HIVEP2: variants seen among roughly 807,000 people sequenced by gnomAD.
HIVEP2 encodes the protein transcription factor HIVEP2.
A neutral mutation model predicts 180.7 loss-of-function variants in HIVEP2; 14 were observed. The ratio of observed to expected loss-of-function variants is 0.08; its 90% confidence interval spans 0.05 to 0.12. HIVEP2 has a LOEUF of 0.12. Among genes scored for constraint, HIVEP2 ranks in the 10% least tolerant of loss-of-function variants. The pLI, the probability that HIVEP2 is intolerant of heterozygous loss-of-function variation, is 1.00. For missense variants in HIVEP2, 2,579 were observed against 3,008.5 expected (o/e 0.86, Z 3.34); for synonymous variants, 1,184 against 1,136.4 (o/e 1.04, Z -0.84).
Position 142,760,392 on chromosome 6 carries a change from A to C in HIVEP2, c.5896T>G (p.Ser1966Ala). 6.2e-7 allele frequency: 1 copy of C among 1,614,228 alleles called. No homozygotes were observed. Among genetic ancestry groups the C allele is most frequent in the Non-Finnish European group, 8.5e-7 (1 of 1,180,034 alleles). Residue 1966 changes from serine to alanine, a missense_variant, in exon 9 of 10, where the codon TCT becomes GCT. Physicochemically the swap from Ser to Ala is moderately conservative, Grantham distance 99. Coordinates refer to ENST00000367603, the MANE Select transcript of HIVEP2 (RefSeq NM_006734.4). ...GTAACCAAATAGCTGATCAACGAAG[A>C]ATGTCCCAGGGAACTATCTGAAGGA... ...GVPSDSSLGH[S>A]SLISYLVTLP...
chr6:142,799,105 CTG>C (rs768699784), intron 2 of HIVEP2, among the ~76,000 whole-genome samples: 10 of 152,126 alleles, frequency 6.6e-5, no homozygotes, highest in Non-Finnish European at 1.5e-4. Context: ...GTGTTTATAT[CTG>C]TAGATTTTGT....
At chr6:142,804,744 T>C (rs1776504292) in intron 2 of HIVEP2, among the ~76,000 whole-genome samples, 3 of 152,146 alleles carry the variant, frequency 2.0e-5, no homozygotes, top group Admixed American at 6.5e-5. Context: ...ATAGTCATAA[T>C]AGATGGTCTG....
intron 1 of HIVEP2, among the ~76,000 whole-genome samples, chr6:142,858,448 T>C (rs1046262426): frequency 3.9e-5 from 6 of 152,188 alleles, no homozygotes; most frequent in African/African-American, 1.4e-4. Flanking sequence ...TGTTCACTCC[T>C]ATAGCCCCAG....
At chr6:142,793,523 C>T (rs778786076) in intron 2 of HIVEP2, among the ~76,000 whole-genome samples, 3 of 152,080 alleles carry the variant, frequency 2.0e-5, no homozygotes, top group African/African-American at 7.2e-5. Context: ...AGTAAGGTGT[C>T]AATTCTAGTA....
At chr6:142,908,541 A>C (rs897623190) in intron 1 of HIVEP2, among the ~76,000 whole-genome samples, 3 of 152,174 alleles carry the variant, frequency 2.0e-5, no homozygotes, top group African/African-American at 7.2e-5. Context: ...CCCATTGCCA[A>C]AATCAGAACA....
chr6:142,874,218 C>G (rs745465254), intron 1 of HIVEP2, among the ~76,000 whole-genome samples: 4 of 152,122 alleles, frequency 2.6e-5, no homozygotes, highest in Admixed American at 6.6e-5. Flanking sequence ...TTCAACTACT[C>G]ATGAATATAT....
intron 9 of HIVEP2, among the ~76,000 whole-genome samples, chr6:142,758,844 G>A (rs1226929255): frequency 6.6e-6 from 1 of 151,992 alleles, no homozygotes; most frequent in African/African-American, 2.4e-5. Flanking sequence ...TTGGGCCCAC[G>A]CTTCCACTGA....
Position 142,771,598 on chromosome 6 carries a change from C to G in HIVEP2, c.3141G>C (p.Arg1047=). The G allele has an allele frequency of 6.2e-7, 1 of 1,614,150 alleles. No homozygotes were observed. The highest frequency in any genetic ancestry group is 1.7e-5 in the Admixed American group (1 of 60,030). Residue 1047 remains arginine (R), a synonymous_variant, in exon 5 of 10, where the codon CGG becomes CGC. Transcript: ENST00000367603. The surrounding 1 kb of genome is among the most constrained non-coding windows in gnomAD (Gnocchi z 5.4). ...GATTCCCATAATCAAATGATTTGCT[C>G]CGAACTTCTGGGACTTCCGCTGGGT... ...CPHPAEVPEV[R]SKSFDYGNLS...
In HIVEP2 at chr6:142,799,214, T is replaced by C. The variant is rs79327860; in HGVS notation, c.-527-15599A>G. ...CTTAATGTATTTCATAAACAAAACA[T>C]TACTACATAGAATATAAATGCCAAA... On this transcript the variant is annotated intron_variant, in intron 2 of 9. Coordinates refer to ENST00000367603, the MANE Select transcript of HIVEP2 (RefSeq NM_006734.4). Among the ~76,000 whole-genome samples, 728 of 152,278 alleles carry C rather than the reference T, an allele frequency of 4.8e-3. 4 individuals carry two copies. Among genetic ancestry groups the C allele is most frequent in the Non-Finnish European group, 7.6e-3 (518 of 68,010 alleles).
At chr6:142,834,096 A>G (rs1020021568) in intron 2 of HIVEP2, among the ~76,000 whole-genome samples, 1 of 152,226 alleles carries the variant, frequency 6.6e-6, no homozygotes, top group African/African-American at 2.4e-5. Flanking sequence ...TCTAATTTGC[A>G]ACCTTATCAA....
rs76537649 is a variant in HIVEP2 at position 142,820,431 on chromosome 6, C to T, written c.-528+16504G>A. Reference sequence around the variant, plus strand: ...ATATCATACTCTGAAATATCCAGATCTATTTTTGATGTCTTTCAATGGCCC... The same window carrying T: ...ATATCATACTCTGAAATATCCAGATTTATTTTTGATGTCTTTCAATGGCCC... On this transcript the variant is annotated intron_variant, in intron 2 of 9. Coordinates refer to ENST00000367603, the MANE Select transcript of HIVEP2 (RefSeq NM_006734.4). 1.6e-3 allele frequency among the ~76,000 whole-genome samples: 245 copies of T among 152,146 alleles called. 3 individuals carry two copies. The East Asian group carries it at 0.041, about 25-fold the overall frequency.
intron 2 of HIVEP2, among the ~76,000 whole-genome samples, chr6:142,835,509 T>A (rs1017920216): frequency 6.6e-6 from 1 of 152,240 alleles, no homozygotes; most frequent in African/African-American, 2.4e-5. Context: ...AGATTATTAA[T>A]TTCATCTTCT....
At chr6:142,853,699 T>C (rs769375187) in intron 1 of HIVEP2, among the ~76,000 whole-genome samples, 1 of 152,134 alleles carries the variant, frequency 6.6e-6, no homozygotes, top group Admixed American at 6.6e-5. Flanking sequence ...GGTGAAACTC[T>C]AAGAGGTAAA....
At chr6:142,905,686 T>C (rs1777243665) in intron 1 of HIVEP2, among the ~76,000 whole-genome samples, 1 of 152,234 alleles carries the variant, frequency 6.6e-6, no homozygotes, top group Non-Finnish European at 1.5e-5. Flanking sequence ...TCTATAAATC[T>C]ACATTTAATC....
chr6:142,909,938 C>G (rs1777362518), intron 1 of HIVEP2, among the ~76,000 whole-genome samples: 1 of 152,170 alleles, frequency 6.6e-6, no homozygotes, highest in Non-Finnish European at 1.5e-5. Context: ...TCTTTAAGAT[C>G]TTGCTTCTGA....
At chr6:142,938,149 T>C (rs907890955) in intron 1 of HIVEP2, among the ~76,000 whole-genome samples, 1 of 152,234 alleles carries the variant, frequency 6.6e-6, no homozygotes, top group African/African-American at 2.4e-5. Context: ...AGAGCTTCGA[T>C]GACTTGTTTC....
chr6:142,894,981 G>T (rs1188271689), intron 1 of HIVEP2, among the ~76,000 whole-genome samples: 1 of 152,180 alleles, frequency 6.6e-6, no homozygotes. Flanking sequence ...GCACGAATTG[G>T]TATTCAGGAG....
chr6:142,919,431 A>C (rs1298909076), intron 1 of HIVEP2, among the ~76,000 whole-genome samples: 1 of 152,156 alleles, frequency 6.6e-6, no homozygotes, highest in Non-Finnish European at 1.5e-5. Flanking sequence ...TAGGTAAGGA[A>C]TGTATTTTAC....
intron 1 of HIVEP2, among the ~76,000 whole-genome samples, chr6:142,906,065 T>C (rs9399410): frequency 0.071 from 10,790 of 152,004 alleles, 492 homozygotes; most frequent in East Asian, 0.17. Flanking sequence ...ACCCGGGAGG[T>C]GGAGGTTGCA....
Sources: allele counts gnomAD v4.1 joint callset (sites outside exome capture counted in the v4.1 genomes callset), GRCh38; gene constraint gnomAD v4.1.1; non-coding constraint Gnocchi (gnomAD v3.1); transcripts MANE v1.5; gene names NCBI Gene and HGNC (gene_info 2026-07-23, HGNC 2026-07-21).